The following SORCS2 variants were observed in gnomAD, a reference collection of about 807,000 sequenced individuals.
SORCS2 encodes VPS10 domain-containing receptor SorCS2.
SORCS2 carries 100 observed loss-of-function variants against 141.6 expected under a neutral mutation model. The ratio of observed to expected loss-of-function variants is 0.71; its 90% CI spans 0.60 to 0.83. SORCS2 has a LOEUF of 0.83. Among genes scored for constraint, SORCS2 ranks in the 40% least tolerant of loss-of-function variants. The pLI, the probability that SORCS2 is intolerant of heterozygous loss-of-function variation, is 0.00. For synonymous variants in SORCS2, 789 were observed against 676.9 expected, an observed-to-expected ratio of 1.17 and a Z score of -2.57; for missense variants, 1,646 against 1,560.2, an observed-to-expected ratio of 1.05 and a Z score of -0.93.
At chr4:7,426,040 G>A (rs1440283407) in intron 2 of SORCS2, among the ~76,000 whole-genome samples, 1 of 152,196 alleles carries the variant, frequency 6.6e-6, no homozygotes, top group African/African-American at 2.4e-5. Flanking sequence ...TTCTGCCCCG[G>A]GATGCTGGAG....
intron 2 of SORCS2, among the ~76,000 whole-genome samples, chr4:7,462,748 G>C (rs1729386781): frequency 6.6e-6 from 1 of 151,634 alleles, no homozygotes; most frequent in Non-Finnish European, 1.5e-5. Flanking sequence ...CCCAGCCCCT[G>C]TGCACGGAAG....
chr4:7,642,159 C>T (rs1263015312), intron 4 of SORCS2, among the ~76,000 whole-genome samples: 4 of 152,230 alleles, frequency 2.6e-5, no homozygotes, highest in African/African-American at 9.6e-5. Context: ...CCATGGCTCT[C>T]GACAGGACCT....
At chr4:7,377,291 C>T (rs1489948320) in intron 1 of SORCS2, among the ~76,000 whole-genome samples, 1 of 152,040 alleles carries the variant, frequency 6.6e-6, no homozygotes, top group Non-Finnish European at 1.5e-5. Context: ...CTGACGAGCA[C>T]CTAGATACAG....
chr4:7,731,616 G>A (rs1711694431), intron 23 of SORCS2, among the ~76,000 whole-genome samples: 1 of 152,136 alleles, frequency 6.6e-6, no homozygotes, highest in Non-Finnish European at 1.5e-5. Context: ...CATAAAAACA[G>A]ACACAGACCC....
At chr4:7,413,425 A>C in intron 2 of SORCS2, among the ~76,000 whole-genome samples, 1 of 72,130 alleles carries the variant, frequency 1.4e-5, no homozygotes, top group Non-Finnish European at 3.0e-5. Context: ...ATAGAGTCTC[A>C]TTCTGTCACC....
At chr4:7,268,745 G>T (rs899914375) in intron 1 of SORCS2, among the ~76,000 whole-genome samples, 1 of 152,206 alleles carries the variant, frequency 6.6e-6, no homozygotes, top group Non-Finnish European at 1.5e-5. Flanking sequence ...AGCAGGGAGG[G>T]CTTCCAGGAG....
In SORCS2 at chr4:7,570,402, CG is replaced by C. The variant is rs1351924188; in HGVS notation, c.648+38776del. On this transcript the variant is annotated intron_variant, in intron 3 of 26. Transcript: ENST00000507866. ...CACTCCCGCTGCCAGAGGCTGCTTC[CG>C]GGTGGGCCCTGTCACTAGTCACTGA... 2.0e-5 allele frequency among the ~76,000 whole-genome samples: 3 copies of C among 152,258 alleles called. No homozygotes were observed. The East Asian group carries it at 5.8e-4, about 29-fold the overall frequency.
At chr4:7,579,029 G>GAA (rs1715964147) in intron 3 of SORCS2, among the ~76,000 whole-genome samples, 1 of 152,100 alleles carries the variant, frequency 6.6e-6, no homozygotes, top group Non-Finnish European at 1.5e-5. Context: ...TGAATGGGCA[G>GAA]ATGGCTATAA....
At chr4:7,252,011 C>A (rs111666722) in intron 1 of SORCS2, among the ~76,000 whole-genome samples, 1 of 152,166 alleles carries the variant, frequency 6.6e-6, no homozygotes, top group African/African-American at 2.4e-5. Flanking sequence ...CTCCTCTAAA[C>A]GTATGGTGCC....
rs759206891 is a variant in SORCS2 at position 7,386,388 on chromosome 4, CAT to C, written c.481-9899_481-9898del. On this transcript the variant is annotated intron_variant, in intron 1 of 26. Transcript: ENST00000507866. ...ATACACAGAAATACATGCACACACACATGGACATACACATATGTACACACGCA... is the reference window on the plus strand; with the variant it reads ...ATACACAGAAATACATGCACACACACGGACATACACATATGTACACACGCA... Among the ~76,000 whole-genome samples, 12 of 120,820 alleles carry C rather than the reference CAT, an allele frequency of 9.9e-5. 1 individual carries two copies. Among genetic ancestry groups the C allele is most frequent in the Non-Finnish European group, 1.3e-4 (8 of 59,826 alleles). 79.3% of individuals were successfully genotyped at this position (120,820 alleles called of 152,430 possible).
At chr4:7,533,627 C>T (rs1310944260) in intron 3 of SORCS2, among the ~76,000 whole-genome samples, 3 of 152,264 alleles carry the variant, frequency 2.0e-5, no homozygotes, top group South Asian at 2.1e-4. Flanking sequence ...CTGCAGGCCA[C>T]GTCTGTGTTT....
chr4:7,369,881 C>T (rs561925283), intron 1 of SORCS2, among the ~76,000 whole-genome samples: 8 of 152,246 alleles, frequency 5.3e-5, no homozygotes, highest in Admixed American at 1.3e-4. Context: ...AGCTTTCGCA[C>T]ACAGTGTCTT....
chr4:7,433,047 A>G, intron 2 of SORCS2: 1 of 310,790 alleles, frequency 3.2e-6, no homozygotes, highest in Non-Finnish European at 5.9e-6. Flanking sequence ...TCAGCCTTGG[A>G]GATGAGAGGG....
intron 3 of SORCS2, among the ~76,000 whole-genome samples, chr4:7,560,472 T>C (rs1237335564): frequency 6.6e-6 from 1 of 151,962 alleles, no homozygotes; most frequent in Non-Finnish European, 1.5e-5. Context: ...ACAGTGGCCA[T>C]CTCTAAGGTG....
At chr4:7,384,009 A>G (rs967502693) in intron 1 of SORCS2, among the ~76,000 whole-genome samples, 1 of 152,226 alleles carries the variant, frequency 6.6e-6, no homozygotes, top group Non-Finnish European at 1.5e-5. Context: ...ATTTTGATTT[A>G]TGAGGCCCTT....
intron 1 of SORCS2, among the ~76,000 whole-genome samples, chr4:7,315,225 C>T (rs545982822): frequency 2.0e-5 from 3 of 152,324 alleles, no homozygotes; most frequent in Non-Finnish European, 4.4e-5. Flanking sequence ...GCCTCTGCAG[C>T]CCCTGGTTGG....
rs565471254 is a variant in SORCS2 at position 7,371,939 on chromosome 4, G to A, written c.481-24349G>A. ...TAGAAGGGCTGTGTTGGCTCTGGCA[G>A]GAAGCTCGTGGGGCCGGTGGGGGAG... On this transcript the variant is annotated intron_variant, in intron 1 of 26. Coordinates refer to ENST00000507866, the MANE Select transcript of SORCS2 (RefSeq NM_020777.3). 3.9e-5 allele frequency among the ~76,000 whole-genome samples: 6 copies of A among 152,352 alleles called. No individual in the cohort carries two copies. The South Asian group carries it at 1.0e-3, about 26-fold the overall frequency.
chr4:7,196,289 G>A (rs955148612), intron 1 of SORCS2, among the ~76,000 whole-genome samples: 1 of 152,042 alleles, frequency 6.6e-6, no homozygotes, highest in Non-Finnish European at 1.5e-5. Context: ...TTGCATCTCC[G>A]GAGCTGCCCT....
chr4:7,689,642 C>T, intron 11 of SORCS2, 54 bp downstream of exon 11: 1 of 1,487,482 alleles, frequency 6.7e-7, no homozygotes, highest in South Asian at 1.2e-5. Context: ...CCCAAGAGTA[C>T]CTCCAATCTT....
Sources: gnomAD v4.1 joint callset for allele counts (sites outside exome capture counted in the v4.1 genomes callset) on GRCh38, gnomAD v4.1.1 for gene constraint, MANE v1.5 for transcripts, NCBI Gene and HGNC (gene_info 2026-07-23, HGNC 2026-07-21) for gene names.